CPQ: variants seen among roughly 807,000 people sequenced by gnomAD.
CPQ encodes the protein Ser-Met dipeptidase.
Under a neutral mutation model 45.7 loss-of-function variants are expected in CPQ, and 37 were observed. The observed-to-expected ratio is 0.81, with a 90% CI of 0.62 to 1.07. The LOEUF (loss-of-function observed/expected upper bound fraction) is 1.07, where lower values mean the gene tolerates loss of function less well. Ranked by LOEUF, CPQ falls within the 50% of genes least tolerant of loss-of-function variation. The pLI is 0.00. For synonymous variants in CPQ, 186 were observed against 205.8 expected, an observed-to-expected ratio of 0.90 and a Z score of 0.82; for missense variants, 537 against 572.9, an observed-to-expected ratio of 0.94 and a Z score of 0.64.
At chr8:96,890,524 T>C (rs1812358587) in intron 4 of CPQ, among the ~76,000 whole-genome samples, 1 of 152,200 alleles carries the variant, frequency 6.6e-6, no homozygotes. Context: ...TCACAAGGCA[T>C]GGTAATACTA....
At chr8:96,706,942 C>T (rs1239601940) in intron 1 of CPQ, among the ~76,000 whole-genome samples, 1 of 152,112 alleles carries the variant, frequency 6.6e-6, no homozygotes, top group Admixed American at 6.6e-5. Context: ...GTGTAAATGC[C>T]TTTCATAAAG....
At chr8:97,125,034 T>C (rs1424864156) in intron 7 of CPQ, among the ~76,000 whole-genome samples, 1 of 152,074 alleles carries the variant, frequency 6.6e-6, no homozygotes, top group Non-Finnish European at 1.5e-5. Context: ...AAAGAGAAGA[T>C]GCAAACTGGC....
rs1417817997 is a variant in CPQ, at chr8:96,717,068, T to C, written c.-34-67796T>C. 4.0e-3 allele frequency among the ~76,000 whole-genome samples: 318 copies of C among 79,932 alleles called. 5 individuals carry two copies. Among genetic ancestry groups the C allele is most frequent in the South Asian group, 4.2e-3 (11 of 2,642 alleles). The allele number at this position is 79,932 out of a possible 152,430, so 52.4% of individuals were successfully genotyped here. On this transcript the variant is annotated intron_variant, in intron 1 of 7. Coordinates refer to ENST00000220763, the MANE Select transcript of CPQ (RefSeq NM_016134.4). The stretch of plus-strand genomic sequence containing the variant: ...ATATATATATATATATATATATATA[T>C]ATATATATACGTATATATACACACA...
intron 2 of CPQ, among the ~76,000 whole-genome samples, chr8:96,815,824 A>G (rs892805840): frequency 5.9e-5 from 9 of 151,910 alleles, no homozygotes; most frequent in African/African-American, 2.2e-4. Context: ...TATAAAAGTT[A>G]TGTAGTCTAT....
In CPQ at chr8:96,663,687, C is replaced by A. The variant is rs1375509787; in HGVS notation, c.-35+18285C>A. Among the ~76,000 whole-genome samples the A allele has an allele frequency of 3.9e-5, 6 of 152,154 alleles. No individual in the cohort carries two copies. The East Asian group carries it at 9.6e-4, about 24-fold the overall frequency. On this transcript the variant is annotated intron_variant, in intron 1 of 7. Transcript: ENST00000220763. ...AGCAGTGCTGATATGTGTTTATATA[C>A]TTCTAAGGGCTGACTTCATTTTTTT...
Position 97,099,913 on chromosome 8 carries a change from A to C in CPQ, c.1255+33703A>C, listed in dbSNP as rs143897637. Among the ~76,000 whole-genome samples, 568 of 152,340 alleles carry C rather than the reference A, an allele frequency of 3.7e-3. 2 individuals are homozygous for C. The highest frequency in any genetic ancestry group is 0.013 in the African/African-American group (521 of 41,586). On this transcript the variant is annotated intron_variant, in intron 7 of 7. Transcript: ENST00000220763. ...TAGAAAATTATGAGAAAATAGAGTG[A>C]GCGGCTATCTCAAGTGTGTTTACTT... is the stretch of plus-strand genomic sequence containing the variant.
chr8:97,059,365 A>T (rs1331474835), intron 6 of CPQ, among the ~76,000 whole-genome samples: 1 of 152,108 alleles, frequency 6.6e-6, no homozygotes, highest in Non-Finnish European at 1.5e-5. Flanking sequence ...CTCTGTCTGC[A>T]ATTTTGGTAC....
intron 7 of CPQ, among the ~76,000 whole-genome samples, chr8:97,078,242 G>A (rs1223674403): frequency 6.6e-6 from 1 of 152,048 alleles, no homozygotes. Flanking sequence ...AATTGTTTCA[G>A]GCTATCTTGT....
chr8:97,090,039 T>A (rs1811104349), intron 7 of CPQ, among the ~76,000 whole-genome samples: 1 of 152,200 alleles, frequency 6.6e-6, no homozygotes. Flanking sequence ...TGTAACCACC[T>A]AAGAATTATG....
chr8:96,715,859 C>G (rs150771430), intron 1 of CPQ, among the ~76,000 whole-genome samples: 98 of 152,304 alleles, frequency 6.4e-4, no homozygotes, highest in African/African-American at 2.3e-3. Context: ...TTTAGCCACC[C>G]AGTGGGGCTG....
At chr8:96,940,177 A>T (rs1813106144) in intron 4 of CPQ, among the ~76,000 whole-genome samples, 1 of 152,132 alleles carries the variant, frequency 6.6e-6, no homozygotes, top group Non-Finnish European at 1.5e-5. Context: ...AATTATATTT[A>T]AAAATAATTA....
chr8:97,063,071 T>A (rs1277581783), intron 6 of CPQ, among the ~76,000 whole-genome samples: 1 of 152,204 alleles, frequency 6.6e-6, no homozygotes, highest in Non-Finnish European at 1.5e-5. Context: ...CTTTCCACAA[T>A]GGTTGAACTA....
intron 1 of CPQ, among the ~76,000 whole-genome samples, chr8:96,742,841 A>G (rs931744028): frequency 5.3e-5 from 8 of 151,988 alleles, no homozygotes; most frequent in Non-Finnish European, 1.0e-4. Context: ...CTGCCGAGAG[A>G]TCTGCTGTTA....
chr8:97,096,718 G>A (rs1811215762), intron 7 of CPQ, among the ~76,000 whole-genome samples: 1 of 152,204 alleles, frequency 6.6e-6, no homozygotes, highest in Non-Finnish European at 1.5e-5. Context: ...TATGGCAAAG[G>A]AGTAAGATGA....
chr8:96,902,809 C>CTCCT (rs996609244), intron 4 of CPQ, among the ~76,000 whole-genome samples: 1 of 152,310 alleles, frequency 6.6e-6, no homozygotes, highest in African/African-American at 2.4e-5. Context: ...GGAGAGTTAA[C>CTCCT]TCCTTGTAGG....
chr8:97,081,345 G>GC (rs1001031950), intron 7 of CPQ, among the ~76,000 whole-genome samples: 7 of 152,048 alleles, frequency 4.6e-5, no homozygotes, highest in African/African-American at 1.4e-4. Flanking sequence ...AGCTTCAGTT[G>GC]CCCCCCCATA....
chr8:96,727,768 G>A (rs139364840), intron 1 of CPQ, among the ~76,000 whole-genome samples: 1 of 152,250 alleles, frequency 6.6e-6, no homozygotes, highest in East Asian at 1.9e-4. Context: ...AACACTATCA[G>A]GAGCAGTGGG....
At chr8:97,067,369 G>A (rs1444406251) in intron 7 of CPQ, among the ~76,000 whole-genome samples, 2 of 152,106 alleles carry the variant, frequency 1.3e-5, no homozygotes, top group Non-Finnish European at 2.9e-5. Context: ...AAAAGTTAAA[G>A]GATCCATCTG....
chr8:96,693,592 A>G (rs1809333646), intron 1 of CPQ, among the ~76,000 whole-genome samples: 1 of 152,210 alleles, frequency 6.6e-6, no homozygotes, highest in South Asian at 2.1e-4. Context: ...ATCTTTTACC[A>G]TGGAATAGTA....
Sources: gnomAD v4.1 joint callset for allele counts (sites outside exome capture counted in the v4.1 genomes callset) on GRCh38, gnomAD v4.1.1 for gene constraint, MANE v1.5 for transcripts, NCBI Gene and HGNC (gene_info 2026-07-23, HGNC 2026-07-21) for gene names.